CCDC192: variants seen among roughly 807,000 people sequenced by gnomAD.
CCDC192 encodes the protein coiled-coil domain-containing protein 192.
In CCDC192 at chr5:127,736,715, A is replaced by C. The variant is rs1477396810; in HGVS notation, c.115-17553A>C. ...CTTCTAGATTTTCTAGTTTATTTGC[A>C]TAGAGGTGTTTGTAGTATTCTCTGA... On this transcript the variant is annotated intron_variant, in intron 2 of 6. Transcript: ENST00000514853. Among the ~76,000 whole-genome samples the C allele has an allele frequency of 6.0e-5, 9 of 150,658 alleles. No individual in the cohort carries two copies. The South Asian group carries it at 1.5e-3, about 25-fold the overall frequency.
intron 5 of CCDC192, among the ~76,000 whole-genome samples, chr5:127,831,992 G>C (rs1052289962): frequency 4.0e-5 from 6 of 150,824 alleles, no homozygotes; most frequent in Non-Finnish European, 8.9e-5. Flanking sequence ...TAAATAGAAG[G>C]AATTAAATAA....
chr5:127,719,534 CATATATAT>C lies in CCDC192; in HGVS notation c.114+11792_114+11799del, dbSNP rs1158638020. ...ATATATATATATATATACACACATA[CATATATAT>C]ATATATATATATATATACACACATA... is the stretch of plus-strand genomic sequence containing the variant. On this transcript the variant is annotated intron_variant, in intron 2 of 6. Coordinates refer to ENST00000514853, the MANE Select transcript of CCDC192 (RefSeq NM_001317938.2). Among the ~76,000 whole-genome samples the C allele has an allele frequency of 5.9e-4, 25 of 42,280 alleles. 1 individual carries two copies. The highest frequency in any genetic ancestry group is 9.9e-4 in the Non-Finnish European group (21 of 21,186). 27.7% of individuals were successfully genotyped at this position (42,280 alleles called of 152,430 possible).
chr5:127,798,249 A>G (rs1055539562), intron 5 of CCDC192, 87 bp downstream of exon 5: 27 of 395,524 alleles, frequency 6.8e-5, no homozygotes, highest in Middle Eastern at 1.3e-3. Flanking sequence ...GTTATAAATG[A>G]GTTTCGTCTG....
chr5:127,753,068 G>A (rs1451304430), intron 2 of CCDC192, among the ~76,000 whole-genome samples: 4 of 152,130 alleles, frequency 2.6e-5, no homozygotes, highest in Non-Finnish European at 5.9e-5. Context: ...GAAATCACCC[G>A]TCTTCTGCGT....
intron 3 of CCDC192, among the ~76,000 whole-genome samples, chr5:127,789,014 G>A (rs948572119): frequency 1.3e-5 from 2 of 152,164 alleles, no homozygotes; most frequent in Non-Finnish European, 2.9e-5. Context: ...GGGGCTGTCT[G>A]TAAAATAGAA....
At chr5:127,826,778 T>C (rs1052988352) in intron 5 of CCDC192, among the ~76,000 whole-genome samples, 1 of 151,288 alleles carries the variant, frequency 6.6e-6, no homozygotes, top group Non-Finnish European at 1.5e-5. Context: ...CCCCTCAAGC[T>C]AAAATAAAAG....
At chr5:127,892,823 C>T (rs533620333) in intron 6 of CCDC192, among the ~76,000 whole-genome samples, 281 of 152,156 alleles carry the variant, frequency 1.8e-3, no homozygotes, top group African/African-American at 6.2e-3. Flanking sequence ...AAACACATAG[C>T]TCAGGGTTAG....
At chr5:127,738,010 A>G (rs2126832281) in intron 2 of CCDC192, among the ~76,000 whole-genome samples, 1 of 148,812 alleles carries the variant, frequency 6.7e-6, no homozygotes, top group Admixed American at 6.7e-5. Flanking sequence ...TAGTTGATGC[A>G]GTTTCTTCCT....
intron 5 of CCDC192, among the ~76,000 whole-genome samples, chr5:127,831,273 A>G (rs1447189766): frequency 1.3e-5 from 2 of 152,200 alleles, no homozygotes; most frequent in Admixed American, 6.5e-5. Flanking sequence ...AATTGTAGTA[A>G]AAATTAAACA....
At chr5:127,860,277 C>T (rs925796580) in intron 5 of CCDC192, among the ~76,000 whole-genome samples, 4 of 152,186 alleles carry the variant, frequency 2.6e-5, no homozygotes, top group Non-Finnish European at 5.9e-5. Context: ...GTACATACTC[C>T]ATAAATGTTT....
intron 6 of CCDC192, among the ~76,000 whole-genome samples, chr5:127,880,769 C>G (rs1366821129): frequency 1.3e-5 from 2 of 151,986 alleles, no homozygotes; most frequent in Non-Finnish European, 2.9e-5. Flanking sequence ...CGCCTGAGAT[C>G]AGGAGTTCGA....
rs71223028 is a variant in CCDC192, at chr5:127,724,847, C to CAAAA, written c.114+17100_114+17103dup. Among the ~76,000 whole-genome samples the CAAAA allele has an allele frequency of 2.8e-4, 34 of 120,934 alleles. 1 individual carries two copies. Among genetic ancestry groups the CAAAA allele is most frequent in the Admixed American group, 3.4e-4 (4 of 11,924 alleles). The allele number at this position is 120,934 out of a possible 152,430, so 79.3% of individuals were successfully genotyped here. On this transcript the variant is annotated intron_variant, in intron 2 of 6. Transcript: ENST00000514853. ...CTGGTGACAGAGTGAGACTCCGTCT[C>CAAAA]AAAAAAAAAAAAAAAAGAAGAAAAG...
At chr5:127,843,273 C>T (rs374173034) in intron 5 of CCDC192, among the ~76,000 whole-genome samples, 1 of 151,598 alleles carries the variant, frequency 6.6e-6, no homozygotes, top group Non-Finnish European at 1.5e-5. Context: ...CTCCTGACCT[C>T]GTAATCCACC....
intron 2 of CCDC192, among the ~76,000 whole-genome samples, chr5:127,715,485 T>C (rs1308202799): frequency 6.6e-6 from 1 of 152,232 alleles, no homozygotes; most frequent in Admixed American, 6.5e-5. Flanking sequence ...TTGTTTACCA[T>C]TGCTTTGCAG....
At chr5:127,817,115 A>C (rs577565303) in intron 5 of CCDC192, among the ~76,000 whole-genome samples, 1 of 152,288 alleles carries the variant, frequency 6.6e-6, no homozygotes, top group South Asian at 2.1e-4. Flanking sequence ...TCCACCTATT[A>C]CCGGGTGCAA....
At chr5:127,865,111 C>T (rs1296988306) in intron 5 of CCDC192, among the ~76,000 whole-genome samples, 1 of 152,096 alleles carries the variant, frequency 6.6e-6, no homozygotes, top group Admixed American at 6.5e-5. Flanking sequence ...CACGACACTG[C>T]ACTCCAGCCT....
At chr5:127,909,648 C>A (rs1168812911) in intron 6 of CCDC192, among the ~76,000 whole-genome samples, 3 of 151,856 alleles carry the variant, frequency 2.0e-5, no homozygotes, top group Non-Finnish European at 4.4e-5. Context: ...AAACTAGAAG[C>A]AACTTTCATA....
At chr5:127,916,654 C>T (rs1304376348) in intron 6 of CCDC192, among the ~76,000 whole-genome samples, 1 of 152,212 alleles carries the variant, frequency 6.6e-6, no homozygotes, top group Non-Finnish European at 1.5e-5. Flanking sequence ...TGACCAGGTA[C>T]ATTGTCAATG....
At chr5:127,812,616 C>T (rs1758140462) in intron 5 of CCDC192, among the ~76,000 whole-genome samples, 1 of 152,134 alleles carries the variant, frequency 6.6e-6, no homozygotes, top group Non-Finnish European at 1.5e-5. Context: ...AAAAAAAATA[C>T]ATGTCCCTGT....
Sources: allele counts gnomAD v4.1 joint callset (sites outside exome capture counted in the v4.1 genomes callset), GRCh38; gene constraint gnomAD v4.1.1; transcripts MANE v1.5; gene names NCBI Gene and HGNC (gene_info 2026-07-23, HGNC 2026-07-21).